The following FHIT variants were observed in gnomAD, a reference collection of about 807,000 sequenced individuals.
FHIT encodes fragile histidine triad diadenosine triphosphatase, also known as bis(5'-adenosyl)-triphosphatase.
Under a neutral mutation model 17.9 loss-of-function variants are expected in FHIT, and 19 were observed. That is an observed-to-expected ratio of 1.06 (90% CI 0.74 to 1.56). The LOEUF is 1.56. FHIT is among the 40% of genes most tolerant of loss of function. The pLI, the probability that FHIT is intolerant of heterozygous loss-of-function variation, is 0.00. For synonymous variants in FHIT, 81 were observed against 69.7 expected, an observed-to-expected ratio of 1.16 and a Z score of -0.81; for missense variants, 248 against 189.2, an observed-to-expected ratio of 1.31 and a Z score of -1.82.
At chr3:59,908,330 T>C (rs565390466) in intron 8 of FHIT, among the ~76,000 whole-genome samples, 1 of 152,320 alleles carries the variant, frequency 6.6e-6, no homozygotes, top group Admixed American at 6.5e-5. Flanking sequence ...GGCACCTAAT[T>C]TCCTGCAGGT....
intron 5 of FHIT, among the ~76,000 whole-genome samples, chr3:60,029,903 G>GTGTGTCTC (rs1295997617): frequency 6.9e-6 from 1 of 145,878 alleles, no homozygotes; most frequent in Non-Finnish European, 1.5e-5. Flanking sequence ...GTGTCTGTGT[G>GTGTGTCTC]TGTGTGTGTG....
chr3:60,796,304 C>T (rs1700979289), intron 4 of FHIT, among the ~76,000 whole-genome samples: 1 of 152,096 alleles, frequency 6.6e-6, no homozygotes, highest in African/African-American at 2.4e-5. Flanking sequence ...AATTAGAAAA[C>T]CTAATTTCTT....
intron 5 of FHIT, among the ~76,000 whole-genome samples, chr3:60,276,302 T>A (rs1191920559): frequency 6.6e-6 from 1 of 152,168 alleles, no homozygotes. Flanking sequence ...TGTAATTTCT[T>A]ATACTACAAT....
At chr3:60,823,654 T>C (rs1053874497) in intron 3 of FHIT, among the ~76,000 whole-genome samples, 2 of 152,216 alleles carry the variant, frequency 1.3e-5, no homozygotes, top group African/African-American at 4.8e-5. Context: ...CACTTTGATT[T>C]CAGACTTGTA....
At chr3:60,467,575 A>T (rs986556695) in intron 5 of FHIT, among the ~76,000 whole-genome samples, 27 of 151,482 alleles carry the variant, frequency 1.8e-4, no homozygotes, top group Non-Finnish European at 3.5e-4. Flanking sequence ...TTTTTCATTG[A>T]CCCACTGGTC....
At chr3:59,788,881 G>GTTTTGTTTTTTTTTTTTTTTTT (rs1553677013) in intron 8 of FHIT, among the ~76,000 whole-genome samples, 2 of 86,806 alleles carry the variant, frequency 2.3e-5, no homozygotes, top group African/African-American at 4.6e-5. Flanking sequence ...GAGTTCATAT[G>GTTTTGTTTTTTTTTTTTTTTTT]TTTTTTTTTT....
chr3:59,752,124 C>CTGGTGAAGGTGTTTT, intron 9 of FHIT, 97 bp downstream of exon 9: 1 of 794,860 alleles, frequency 1.3e-6, no homozygotes, highest in East Asian at 2.7e-5. Context: ...CCCAAGGATG[C>CTGGTGAAGGTGTTTT]TGGTGAAGGT....
At chr3:60,063,860 C>T (rs530886800) in intron 5 of FHIT, among the ~76,000 whole-genome samples, 1 of 152,188 alleles carries the variant, frequency 6.6e-6, no homozygotes, top group Non-Finnish European at 1.5e-5. Flanking sequence ...GGGTTAAACG[C>T]GTTTTGATTT....
At chr3:60,772,134 G>A (rs1276722294) in intron 4 of FHIT, among the ~76,000 whole-genome samples, 2 of 148,104 alleles carry the variant, frequency 1.4e-5, no homozygotes, top group Non-Finnish European at 1.5e-5. Flanking sequence ...TCTGTGGCCT[G>A]GAAGCTGCAT....
chr3:60,561,186 T>G (rs1279464014), intron 4 of FHIT, among the ~76,000 whole-genome samples: 1 of 152,036 alleles, frequency 6.6e-6, no homozygotes, highest in African/African-American at 2.4e-5. Context: ...CTGACATATG[T>G]GTAGAAATTA....
chr3:60,061,593 T>G (rs1054381112), intron 5 of FHIT, among the ~76,000 whole-genome samples: 1 of 152,220 alleles, frequency 6.6e-6, no homozygotes, highest in Non-Finnish European at 1.5e-5. Flanking sequence ...TGAATGTAAA[T>G]TGTTAGGCAA....
At chr3:60,530,423 G>A (rs1180119400) in intron 5 of FHIT, among the ~76,000 whole-genome samples, 2 of 152,122 alleles carry the variant, frequency 1.3e-5, no homozygotes, top group Non-Finnish European at 2.9e-5. Flanking sequence ...AACCTTCCTT[G>A]CACACATACA....
intron 5 of FHIT, among the ~76,000 whole-genome samples, chr3:60,156,651 C>G (rs895342470): frequency 4.6e-5 from 7 of 152,108 alleles, no homozygotes; most frequent in Non-Finnish European, 1.0e-4. Flanking sequence ...ACTCAGGAGG[C>G]TGAGGTGAGA....
chr3:59,874,683 T>TC (rs916289035), intron 8 of FHIT, among the ~76,000 whole-genome samples: 1 of 151,534 alleles, frequency 6.6e-6, no homozygotes, highest in African/African-American at 2.4e-5. Context: ...TTTTCATTTT[T>TC]TTTTTTTGCC....
At chr3:60,511,860 G>A (rs752245436) in intron 5 of FHIT, among the ~76,000 whole-genome samples, 1 of 152,052 alleles carries the variant, frequency 6.6e-6, no homozygotes, top group Non-Finnish European at 1.5e-5. Flanking sequence ...TGAATAAAGG[G>A]ACTTCTGCTG....
In FHIT at chr3:59,923,831, C is replaced by T. The variant is rs560119555; in HGVS notation, c.280-1417G>A. Among the ~76,000 whole-genome samples the T allele has an allele frequency of 1.4e-4, 21 of 152,202 alleles. No homozygotes were observed. The South Asian group carries it at 2.9e-3, about 21-fold the overall frequency. The stretch of plus-strand genomic sequence containing the variant: ...CTGTACAAGGAGGGGGAAAGTGACA[C>T]GCTATTAAAGCCGAGGCAGGGTGCA... On this transcript the variant is annotated intron_variant, in intron 7 of 9. Transcript: ENST00000492590.
intron 2 of FHIT, among the ~76,000 whole-genome samples, chr3:61,044,255 T>A (rs886453849): frequency 6.6e-6 from 1 of 152,182 alleles, no homozygotes; most frequent in African/African-American, 2.4e-5. Context: ...CATGAATGGC[T>A]AACTAGAATA....
intron 7 of FHIT, among the ~76,000 whole-genome samples, chr3:59,960,277 G>C (rs189847955): frequency 2.0e-5 from 3 of 152,328 alleles, no homozygotes; most frequent in Admixed American, 2.0e-4. Flanking sequence ...TTGATTAGGT[G>C]ATGGTGGTAG....
chr3:60,871,060 A>G (rs1553754908), intron 3 of FHIT, among the ~76,000 whole-genome samples: 1 of 152,142 alleles, frequency 6.6e-6, no homozygotes, highest in Non-Finnish European at 1.5e-5. Context: ...TTTTAGGAAG[A>G]AAAGGAATCC....
Sources: allele counts gnomAD v4.1 joint callset (sites outside exome capture counted in the v4.1 genomes callset), GRCh38; gene constraint gnomAD v4.1.1; transcripts MANE v1.5; gene names NCBI Gene and HGNC (gene_info 2026-07-23, HGNC 2026-07-21).